The following ADGRV1 variants were observed in gnomAD, a reference collection of about 807,000 sequenced individuals.
ADGRV1 encodes G-protein coupled receptor 98.
ADGRV1 carries 359 observed loss-of-function variants against 596.2 expected under a neutral mutation model. The observed-to-expected ratio is 0.60, with a 90% CI of 0.55 to 0.66. The LOEUF (loss-of-function observed/expected upper bound fraction) is 0.66, where lower values mean the gene tolerates loss of function less well. ADGRV1 is among the 30% of genes least tolerant of loss of function. The pLI, the probability that ADGRV1 is intolerant of heterozygous loss-of-function variation, is 0.00. For missense variants in ADGRV1, 7,274 were observed against 7,575.6 expected, an observed-to-expected ratio of 0.96 and a Z score of 1.48; for synonymous variants, 2,681 against 2,679.2, an observed-to-expected ratio of 1.00 and a Z score of -0.02.
At chr5:90,643,266 A>T (rs923162290) in intron 13 of ADGRV1, among the ~76,000 whole-genome samples, 2 of 151,816 alleles carry the variant, frequency 1.3e-5, no homozygotes, top group African/African-American at 4.9e-5. Context: ...ATAACAAACA[A>T]TCTTAGACTT....
chr5:90,760,275 CAA>C (rs5869517), intron 58 of ADGRV1, among the ~76,000 whole-genome samples: 19 of 77,522 alleles, frequency 2.5e-4, no homozygotes, highest in Admixed American at 5.6e-4. Flanking sequence ...GACTTCGTCT[CAA>C]AAAAAAAAAA....
At chr5:90,683,215 TTTA>T (rs1745173597) in intron 27 of ADGRV1, among the ~76,000 whole-genome samples, 3 of 98,656 alleles carry the variant, frequency 3.0e-5, no homozygotes, top group Non-Finnish European at 5.7e-5. Context: ...TTGTGTTTTA[TTTA>T]TTTTTTTTAA....
intron 25 of ADGRV1, among the ~76,000 whole-genome samples, chr5:90,679,130 C>T (rs1270042699): frequency 3.3e-5 from 5 of 152,044 alleles, no homozygotes; most frequent in Non-Finnish European, 7.4e-5. Flanking sequence ...AGATGCATTT[C>T]TCAATATTGA....
chr5:90,700,611 A>G (rs1177049762), intron 34 of ADGRV1, among the ~76,000 whole-genome samples: 1 of 152,106 alleles, frequency 6.6e-6, no homozygotes, highest in Non-Finnish European at 1.5e-5. Context: ...CATAATCATC[A>G]TGTCATGTTC....
At chr5:90,721,206 AT>A (rs1489662780) in intron 45 of ADGRV1, 147 bp downstream of exon 45, 6 of 717,954 alleles carry the variant, frequency 8.4e-6, no homozygotes, top group Non-Finnish European at 1.1e-5. Flanking sequence ...ATCTATAAAT[AT>A]GTGTTGAGGC....
chr5:90,895,971 A>G, intron 83 of ADGRV1, among the ~76,000 whole-genome samples: 1 of 151,596 alleles, frequency 6.6e-6, no homozygotes, highest in Non-Finnish European at 1.5e-5. Context: ...GATGTGCTCT[A>G]TTCTGTTTAG....
chr5:90,828,147 G>A (rs1371049772), intron 76 of ADGRV1, among the ~76,000 whole-genome samples: 1 of 152,114 alleles, frequency 6.6e-6, no homozygotes, highest in African/African-American at 2.4e-5. Context: ...TGAGACTGTT[G>A]AGAAGGAACC....
intron 38 of ADGRV1, among the ~76,000 whole-genome samples, chr5:90,708,321 C>A (rs952866089): frequency 3.3e-5 from 5 of 151,984 alleles, no homozygotes; most frequent in Non-Finnish European, 5.9e-5. Flanking sequence ...CAATCTCCCA[C>A]CCAAAAGGAG....
Position 90,708,824 on chromosome 5 carries a change from A to G in ADGRV1, c.8739A>G (p.Val2913=), listed in dbSNP as rs1748945106. Residue 2913 remains valine, a synonymous_variant, in exon 39 of 90, where the codon GTA becomes GTG. Transcript: ENST00000405460. ...AINITILEDD[V]PELEEYFLVN... Reference sequence around the variant, plus strand: ...GAGTGTAATTTTTTCAGGATGATGTACCAGAGCTAGAAGAATATTTCCTGG... The same window carrying G: ...GAGTGTAATTTTTTCAGGATGATGTGCCAGAGCTAGAAGAATATTTCCTGG... 1.2e-6 allele frequency: 2 copies of G among 1,607,528 alleles called. No homozygotes were observed. The highest frequency in any genetic ancestry group is 2.2e-5 in the East Asian group (1 of 44,710).
chr5:90,932,472 A>G (rs1775333571), intron 83 of ADGRV1, among the ~76,000 whole-genome samples: 1 of 152,220 alleles, frequency 6.6e-6, no homozygotes, highest in Non-Finnish European at 1.5e-5. Context: ...CAAACCAACA[A>G]AAACAACTTC....
At position 90,643,756 on chromosome 5, in the gene ADGRV1, T is replaced by C. The variant is rs1243760262; in HGVS notation, c.2554-47T>C. The C allele has an allele frequency of 4.3e-6, 6 of 1,401,696 alleles. No individual in the cohort carries two copies. In the African/African-American group the frequency reaches 7.2e-5, roughly 17 times the overall value. 86.8% of individuals were successfully genotyped at this position (1,401,696 alleles called of 1,614,324 possible). Reference sequence around the variant, plus strand: ...AATATTTATGTTTTTAAATTTGTTGTGAAAAGTCAACTTTATAATTTCCAT... The same window carrying C: ...AATATTTATGTTTTTAAATTTGTTGCGAAAAGTCAACTTTATAATTTCCAT... On this transcript the variant is annotated intron_variant, in intron 13 of 89. Coordinates refer to ENST00000405460, the MANE Select transcript of ADGRV1 (RefSeq NM_032119.4).
chr5:90,652,486 C>T lies in ADGRV1; in HGVS notation c.3557C>T (p.Pro1186Leu). ...TTCATGGATGGAGAAGAAGCAAAAC[C>T]AATCATTCTCCATGCTTTTCCAGAT... ...VNFMDGEEAK[P>L]IILHAFPDKI... The change falls in exon 19 of 90, where the codon CCA becomes CTA. Residue 1186 changes from proline (P) to leucine (L), a missense_variant. Physicochemically the swap from Pro to Leu is moderately conservative, Grantham distance 98 (BLOSUM62 -3). Around this residue, in one of 5 missense-constraint regions of ADGRV1, gnomAD observed 1,715 missense variants for 1,708.8 expected, o/e 1.00. Coordinates refer to ENST00000405460, the MANE Select transcript of ADGRV1 (RefSeq NM_032119.4). 6.2e-7 allele frequency: 1 copy of T among 1,613,296 alleles called. No homozygotes were observed. Among genetic ancestry groups the T allele is most frequent in the Non-Finnish European group, 8.5e-7 (1 of 1,179,412 alleles).
chr5:90,750,242 C>T (rs193187093), intron 52 of ADGRV1, among the ~76,000 whole-genome samples: 12 of 152,254 alleles, frequency 7.9e-5, no homozygotes, highest in Admixed American at 2.0e-4. Flanking sequence ...CAAAAGTACA[C>T]GCTTTCTGAG....
At chr5:90,805,848 A>G (rs1370665571) in intron 72 of ADGRV1, among the ~76,000 whole-genome samples, 2 of 152,178 alleles carry the variant, frequency 1.3e-5, no homozygotes, top group African/African-American at 4.8e-5. Context: ...GTTACTTTAG[A>G]TACTTTATTT....
chr5:90,849,392 A>C (rs1766251537), intron 79 of ADGRV1, among the ~76,000 whole-genome samples: 1 of 152,108 alleles, frequency 6.6e-6, no homozygotes, highest in African/African-American at 2.4e-5. Flanking sequence ...TATATTAACT[A>C]TATATATATT....
At chr5:90,943,929 G>A (rs994411802) in intron 83 of ADGRV1, among the ~76,000 whole-genome samples, 1 of 152,102 alleles carries the variant, frequency 6.6e-6, no homozygotes, top group East Asian at 1.9e-4. Context: ...CAACTTCTAA[G>A]GTTCCAGGTA....
intron 51 of ADGRV1, 140 bp downstream of exon 51, chr5:90,745,405 C>A: frequency 1.4e-6 from 1 of 712,954 alleles, no homozygotes; most frequent in Non-Finnish European, 2.2e-6. Flanking sequence ...GGTTATTATC[C>A]ATGTTTCTAA....
chr5:91,161,224 G>A (rs933923622), intron 89 of ADGRV1, among the ~76,000 whole-genome samples: 8 of 152,262 alleles, frequency 5.3e-5, no homozygotes, highest in African/African-American at 1.4e-4. Flanking sequence ...CCACTGTCTC[G>A]CCAGTTCACT....
intron 83 of ADGRV1, among the ~76,000 whole-genome samples, chr5:90,917,092 C>G (rs1332970246): frequency 6.6e-6 from 1 of 152,056 alleles, no homozygotes; most frequent in Non-Finnish European, 1.5e-5. Flanking sequence ...ATGAACAAAC[C>G]TTGCTGTTTG....
Sources: gnomAD v4.1 joint callset for allele counts (sites outside exome capture counted in the v4.1 genomes callset) on GRCh38, gnomAD v4.1.1 for gene constraint, gnomAD v4.1.1 regional missense constraint, MANE v1.5 for transcripts, NCBI Gene and HGNC (gene_info 2026-07-23, HGNC 2026-07-21) for gene names.